The following CAMK2A variants were observed in gnomAD, a reference collection of about 807,000 sequenced individuals.
The protein encoded by CAMK2A is calcium/calmodulin dependent protein kinase II alpha.
A neutral mutation model predicts 79.2 loss-of-function variants in CAMK2A; 7 were observed. The observed-to-expected ratio is 0.09, with a 90% CI of 0.05 to 0.17. CAMK2A has a LOEUF of 0.17. Ranked by LOEUF, CAMK2A falls within the 10% of genes least tolerant of loss-of-function variation. The probability of loss-of-function intolerance (pLI) is 1.00; values close to 1 mark genes in which losing one functional copy is unlikely to be tolerated. For synonymous variants in CAMK2A, 242 were observed against 251.7 expected, an observed-to-expected ratio of 0.96 and a Z score of 0.36; for missense variants, 214 against 646.4, an observed-to-expected ratio of 0.33 and a Z score of 7.25.
At chr5:150,250,591 G>T in intron 10 of CAMK2A, 97 bp downstream of exon 10, 1 of 1,511,354 alleles carries the variant, frequency 6.6e-7, no homozygotes, top group Non-Finnish European at 9.0e-7. Flanking sequence ...AAGCCCTCTT[G>T]GCCCCATGGG....
At chr5:150,271,632 C>A (rs768675046) in intron 2 of CAMK2A, among the ~76,000 whole-genome samples, 2 of 152,174 alleles carry the variant, frequency 1.3e-5, no homozygotes, top group African/African-American at 2.4e-5. Flanking sequence ...CATACCTGCA[C>A]CCACCTCACC....
Position 150,270,372 on chromosome 5 carries a change from T to A in CAMK2A, c.157+2693A>T, listed in dbSNP as rs187800628. Among the ~76,000 whole-genome samples the A allele has an allele frequency of 2.0e-4, 30 of 152,374 alleles. No homozygotes were observed. The East Asian group carries it at 5.6e-3, about 28-fold the overall frequency. ...CTTCATGGTTTCTTTGAATTGTTTA[T>A]ACTACGAACATTTTTTAAAAGACTA... On this transcript the variant is annotated intron_variant, in intron 2 of 18. Transcript: ENST00000671881.
chr5:150,243,159 G>C (rs1755423745), intron 13 of CAMK2A, among the ~76,000 whole-genome samples: 1 of 152,194 alleles, frequency 6.6e-6, no homozygotes, highest in Admixed American at 6.5e-5. Flanking sequence ...GAACCAGCCT[G>C]ATGGAGGCCT....
At position 150,252,023 on chromosome 5, in the gene CAMK2A, C is replaced by T. The variant is rs1755860322; in HGVS notation, c.557G>A (p.Arg186Gln). The T allele has an allele frequency of 6.2e-7, 1 of 1,613,974 alleles. No homozygotes were observed. The highest frequency in any genetic ancestry group is 8.5e-7 in the Non-Finnish European group (1 of 1,179,896). Reference sequence around the variant, plus strand: ...CACAGGCTTCCCGTACGGGTCCTTCCGCAGCACTTCTGGGGAGAGATATCC... The same window carrying T: ...CACAGGCTTCCCGTACGGGTCCTTCTGCAGCACTTCTGGGGAGAGATATCC... ...TPGYLSPEVLRKDPYGKPVDL... is the reference protein window; with the variant it reads ...TPGYLSPEVLQKDPYGKPVDL... The change falls in exon 8 of 19, where the codon CGG (arginine) becomes CAG (glutamine). Residue 186 changes from arginine to glutamine, a missense_variant. Arg to Gln is a conservative substitution (Grantham distance 43). Around this residue, in one of 4 missense-constraint regions of CAMK2A, gnomAD observed 72 missense variants for 333.9 expected, o/e 0.22. Transcript: ENST00000671881.
At chr5:150,262,262 C>A (rs1756332923) in intron 3 of CAMK2A, among the ~76,000 whole-genome samples, 1 of 152,214 alleles carries the variant, frequency 6.6e-6, no homozygotes, top group South Asian at 2.1e-4. Context: ...GTAACCTTGT[C>A]TAGATTGGCC....
chr5:150,287,944 T>TGC, intron 1 of CAMK2A, among the ~76,000 whole-genome samples: 1 of 137,990 alleles, frequency 7.2e-6, no homozygotes, highest in South Asian at 2.2e-4. Context: ...CCTCTGTGTG[T>TGC]GTGTGTGTGT....
intron 13 of CAMK2A, among the ~76,000 whole-genome samples, chr5:150,240,900 C>T (rs1048722013): frequency 6.6e-6 from 1 of 152,226 alleles, no homozygotes; most frequent in Non-Finnish European, 1.5e-5. Context: ...AGAAGGGACT[C>T]GAGGAGCCCA....
chr5:150,232,029 A>G (rs938848985), intron 15 of CAMK2A, among the ~76,000 whole-genome samples: 5 of 152,052 alleles, frequency 3.3e-5, no homozygotes, highest in Admixed American at 6.5e-5. Flanking sequence ...AACACCACAA[A>G]CAGCTGGTCT....
rs557314913 is a variant in CAMK2A, at chr5:150,286,300, C to T, written c.62+3264G>A. Among the ~76,000 whole-genome samples the T allele has an allele frequency of 3.3e-5, 5 of 152,332 alleles. No homozygotes were observed. In the South Asian group the frequency reaches 1.0e-3, roughly 32 times the overall value. ...CATATGCTTCAATGGAACCTGCAGT[C>T]GAGTAGCATCAAGAGGCTCCAGTAG... On this transcript the variant is annotated intron_variant, in intron 1 of 18. Transcript: ENST00000671881.
intron 3 of CAMK2A, among the ~76,000 whole-genome samples, chr5:150,264,719 C>CGGA (rs1554123200): frequency 6.6e-6 from 1 of 151,786 alleles, no homozygotes; most frequent in Non-Finnish European, 1.5e-5. Flanking sequence ...ACAGCTTTTC[C>CGGA]GGAGGCTGCC....
intron 2 of CAMK2A, among the ~76,000 whole-genome samples, chr5:150,266,288 C>A (rs749670877): frequency 1.5e-4 from 23 of 152,148 alleles, no homozygotes; most frequent in Non-Finnish European, 1.2e-4. Context: ...CCCAAGCAAT[C>A]CTGGGCTGGG....
chr5:150,289,461 G>T (rs1757572325), intron 1 of CAMK2A, 103 bp downstream of exon 1: 2 of 895,376 alleles, frequency 2.2e-6, no homozygotes, highest in Non-Finnish European at 3.7e-6. Flanking sequence ...CTTCATCTGT[G>T]TACAAGGAAT....
intron 3 of CAMK2A, among the ~76,000 whole-genome samples, chr5:150,258,945 C>T (rs555209571): frequency 5.7e-4 from 87 of 151,596 alleles, no homozygotes; most frequent in Non-Finnish European, 1.0e-3. Context: ...TTTGGGAGGC[C>T]GAAGCAGGTG....
intron 2 of CAMK2A, 103 bp from the exon 3 acceptor site, chr5:150,265,118 C>A: frequency 2.3e-6 from 2 of 879,216 alleles, no homozygotes; most frequent in Non-Finnish European, 3.8e-6. Context: ...CCAGGGCAGC[C>A]CCTGGGGGCT....
intron 3 of CAMK2A, among the ~76,000 whole-genome samples, chr5:150,263,762 A>C (rs962355762): frequency 6.6e-6 from 1 of 152,208 alleles, no homozygotes; most frequent in African/African-American, 2.4e-5. Context: ...AACCCCCTCC[A>C]TCACACAGCT....
intron 16 of CAMK2A, among the ~76,000 whole-genome samples, chr5:150,230,039 G>A (rs1311438929): frequency 2.6e-5 from 4 of 151,806 alleles, no homozygotes; most frequent in African/African-American, 9.7e-5. Flanking sequence ...TGGCAGGCCG[G>A]GCGGGCTCGG....
At chr5:150,238,044 C>T (rs1464966243) in intron 15 of CAMK2A, among the ~76,000 whole-genome samples, 1 of 152,092 alleles carries the variant, frequency 6.6e-6, no homozygotes, top group Non-Finnish European at 1.5e-5. Flanking sequence ...ATTCACTTTT[C>T]AAAAAAACTC....
rs1005670453 is a variant in CAMK2A, at chr5:150,256,376, C to T, written c.411+197G>A. 6.6e-6 allele frequency among the ~76,000 whole-genome samples: 1 copy of T among 152,138 alleles called. No homozygotes were observed. Among genetic ancestry groups the T allele is most frequent in the Non-Finnish European group, 1.5e-5 (1 of 68,034 alleles). ...GGCTGGGAGTTGGAAGAGCAGGGGC[C>T]CAAACACAGACGCTCTACCTTCCTG... On this transcript the variant is annotated intron_variant, in intron 6 of 18. Coordinates refer to ENST00000671881, the MANE Select transcript of CAMK2A (RefSeq NM_015981.4). This position sits in a 1 kb window ranked among gnomAD's most constrained non-coding sequence, Gnocchi z 4.6.
intron 3 of CAMK2A, among the ~76,000 whole-genome samples, chr5:150,262,900 C>T (rs1480909455): frequency 2.0e-5 from 3 of 152,116 alleles, no homozygotes; most frequent in African/African-American, 7.2e-5. Flanking sequence ...CTCCTAACCA[C>T]CATGTTATAT....
Sources: allele counts gnomAD v4.1 joint callset (sites outside exome capture counted in the v4.1 genomes callset), GRCh38; gene constraint gnomAD v4.1.1; regional missense constraint gnomAD v4.1.1; non-coding constraint Gnocchi (gnomAD v3.1); transcripts MANE v1.5; gene names NCBI Gene and HGNC (gene_info 2026-07-23, HGNC 2026-07-21).